Variants in EEF1AKMT1 observed in about 807,000 individuals in gnomAD.
EEF1AKMT1 encodes EEF1A lysine methyltransferase 1.
A neutral mutation model predicts 21.0 loss-of-function variants in EEF1AKMT1; 18 were observed. That is an observed-to-expected ratio of 0.86 (90% CI 0.59 to 1.27). The LOEUF is 1.27. Ranked by LOEUF, EEF1AKMT1 falls within the 50% of genes most tolerant of loss-of-function variation. EEF1AKMT1 has a pLI of 0.00. For synonymous variants in EEF1AKMT1, 109 were observed against 94.8 expected, an observed-to-expected ratio of 1.15 and a Z score of -0.87; for missense variants, 246 against 258.6, an observed-to-expected ratio of 0.95 and a Z score of 0.33.
chr13:20,743,664 T>C (rs1422384332), intron 2 of EEF1AKMT1, among the ~76,000 whole-genome samples: 1 of 151,850 alleles, frequency 6.6e-6, no homozygotes, highest in Non-Finnish European at 1.5e-5. Flanking sequence ...TTGTGCTTTT[T>C]TTTTTTTTTT....
intron 1 of EEF1AKMT1, among the ~76,000 whole-genome samples, chr13:20,759,899 T>C (rs2058991323): frequency 6.6e-6 from 1 of 151,858 alleles, no homozygotes; most frequent in Non-Finnish European, 1.5e-5. Flanking sequence ...GGTCAGGAGA[T>C]TGAAACCATC....
At chr13:20,730,534 G>A (rs563046800) in intron 4 of EEF1AKMT1, among the ~76,000 whole-genome samples, 15 of 152,212 alleles carry the variant, frequency 9.9e-5, no homozygotes, top group South Asian at 4.2e-4. Context: ...AGACAATCTT[G>A]CTCCCTGCCC....
intron 2 of EEF1AKMT1, among the ~76,000 whole-genome samples, chr13:20,738,783 C>T (rs964239080): frequency 6.6e-6 from 1 of 152,198 alleles, no homozygotes; most frequent in African/African-American, 2.4e-5. Context: ...AGTAGCAAGT[C>T]TACAAAGACA....
chr13:20,769,103 G>C (rs2059050855), intron 1 of EEF1AKMT1: 1 of 152,130 alleles, frequency 6.6e-6, no homozygotes, highest in Admixed American at 6.5e-5. Context: ...GGAAGTCTGT[G>C]ATATGAGTTT....
At chr13:20,742,807 T>C (rs2058879490) in intron 2 of EEF1AKMT1, among the ~76,000 whole-genome samples, 1 of 152,156 alleles carries the variant, frequency 6.6e-6, no homozygotes. Flanking sequence ...CAGACCCCAC[T>C]CTGTTTGCCT....
At chr13:20,740,945 T>C (rs1025133651) in intron 2 of EEF1AKMT1, among the ~76,000 whole-genome samples, 2 of 152,182 alleles carry the variant, frequency 1.3e-5, no homozygotes, top group South Asian at 4.1e-4. Flanking sequence ...CCTTCCTGAA[T>C]GGAGCTGCCT....
intron 2 of EEF1AKMT1, among the ~76,000 whole-genome samples, chr13:20,742,247 AATTTTT>A (rs767686862): frequency 7.9e-5 from 12 of 152,080 alleles, no homozygotes; most frequent in Non-Finnish European, 1.5e-4. Flanking sequence ...TCCTATATTT[AATTTTT>A]ATTTTTATTT....
At chr13:20,752,622 A>G (rs2058948509) in intron 2 of EEF1AKMT1, among the ~76,000 whole-genome samples, 2 of 151,778 alleles carry the variant, frequency 1.3e-5, no homozygotes, top group African/African-American at 4.8e-5. Context: ...TTCTTACATT[A>G]TTGTCTGGTT....
chr13:20,739,133 G>A (rs1224967306), intron 2 of EEF1AKMT1, among the ~76,000 whole-genome samples: 3 of 152,054 alleles, frequency 2.0e-5, no homozygotes, highest in Admixed American at 1.3e-4. Context: ...CTCCTAAGAT[G>A]GCACATCTGG....
intron 1 of EEF1AKMT1, among the ~76,000 whole-genome samples, chr13:20,758,725 GC>G (rs560619148): frequency 1.7e-3 from 263 of 152,050 alleles, no homozygotes; most frequent in Non-Finnish European, 3.1e-3. Context: ...GCAATCCTAA[GC>G]AAAAAGAACA....
At chr13:20,748,377 G>A (rs2058919869) in intron 2 of EEF1AKMT1, among the ~76,000 whole-genome samples, 1 of 151,712 alleles carries the variant, frequency 6.6e-6, no homozygotes, top group Admixed American at 6.6e-5. Context: ...GGAGCTTGCA[G>A]TGAGGCGAGA....
chr13:20,771,227 A>G (rs1225268205), intron 1 of EEF1AKMT1, among the ~76,000 whole-genome samples: 1 of 152,220 alleles, frequency 6.6e-6, no homozygotes, highest in South Asian at 2.1e-4. Context: ...GGGCTTTTAA[A>G]TAACAGCCTG....
intron 1 of EEF1AKMT1, among the ~76,000 whole-genome samples, chr13:20,760,104 CAAAAAAAAAA>C (rs56891551): frequency 3.6e-5 from 2 of 56,240 alleles, no homozygotes. Context: ...GACTCTGTCT[CAAAAAAAAAA>C]AAAAAAAAAA....
At chr13:20,769,132 G>A (rs748692218) in intron 1 of EEF1AKMT1, 6 of 151,992 alleles carry the variant, frequency 3.9e-5, no homozygotes, top group Non-Finnish European at 8.8e-5. Flanking sequence ...CACGAGAGAG[G>A]GCTTAAAAGG....
At chr13:20,752,097 G>T (rs2058944611) in intron 2 of EEF1AKMT1, among the ~76,000 whole-genome samples, 2 of 152,040 alleles carry the variant, frequency 1.3e-5, no homozygotes, top group African/African-American at 4.8e-5. Flanking sequence ...TATAAAGAGG[G>T]ACAATTTGAC....
In EEF1AKMT1 at chr13:20,737,734, T is replaced by C. The variant is rs1339060520; in HGVS notation, c.216A>G (p.Gly72=). ...AATTTGAATCTCACCTGCCACCTTC[T>C]CCTACAGCTGCAATTGCCTCCTGTG... ...QLAQEAIAAV[G]EGGRIACVSA... The change falls in exon 3 of 5, where the codon GGA becomes GGG. Residue 72 remains glycine, a synonymous_variant. Transcript: ENST00000382758. The C allele has an allele frequency of 1.9e-6, 3 of 1,612,400 alleles. No individual in the cohort carries two copies. The highest frequency in any genetic ancestry group is 1.6e-4 in the Middle Eastern group (1 of 6,062).
intron 1 of EEF1AKMT1, among the ~76,000 whole-genome samples, chr13:20,767,293 G>A (rs1201053870): frequency 1.2e-4 from 14 of 113,334 alleles, no homozygotes; most frequent in East Asian, 3.4e-4. Context: ...GCGACAAAGC[G>A]AGATTCTGTC....
At chr13:20,755,708 C>T (rs563100831) in intron 2 of EEF1AKMT1, among the ~76,000 whole-genome samples, 142 of 152,286 alleles carry the variant, frequency 9.3e-4, no homozygotes, top group Non-Finnish European at 1.6e-3. Context: ...GAGGCAAGTA[C>T]CCAATACCTC....
At position 20,732,217 on chromosome 13, in the gene EEF1AKMT1, CAG is replaced by C. The variant is rs1466679989; in HGVS notation, c.228-98_228-97del. The C allele has an allele frequency of 9.6e-6, 13 of 1,353,546 alleles. No homozygotes were observed. In the East Asian group the frequency reaches 1.6e-4, roughly 17 times the overall value. The allele number at this position is 1,353,546 out of a possible 1,614,324, so 83.8% of individuals were successfully genotyped here. A position where few individuals can be genotyped will look rare whatever the true frequency, so the allele number is the denominator to read the frequency against. On this transcript the variant is annotated intron_variant, in intron 3 of 4. Transcript: ENST00000382758. ...TAAACAATACATGGGTCCGAGTGCT[CAG>C]AGTTTCTTACAGGAAACAATAATGC... is the stretch of plus-strand genomic sequence containing the variant.
Sources: allele counts gnomAD v4.1 joint callset (sites outside exome capture counted in the v4.1 genomes callset), GRCh38; gene constraint gnomAD v4.1.1; transcripts MANE v1.5; gene names NCBI Gene and HGNC (gene_info 2026-07-23, HGNC 2026-07-21).